Variants in FRMD4A observed in about 807,000 individuals in gnomAD.
The protein encoded by FRMD4A is FERM domain containing 4A.
FRMD4A carries 29 observed loss-of-function variants against 129.1 expected under a neutral mutation model. The ratio of observed to expected loss-of-function variants is 0.22; its 90% confidence interval spans 0.17 to 0.31. The LOEUF (loss-of-function observed/expected upper bound fraction) is 0.31, where lower values mean the gene tolerates loss of function less well. FRMD4A is among the 10% of genes least tolerant of loss of function. The pLI is 1.00. For synonymous variants in FRMD4A, 634 were observed against 571.6 expected, an observed-to-expected ratio of 1.11 and a Z score of -1.56; for missense variants, 1,272 against 1,375.8, an observed-to-expected ratio of 0.92 and a Z score of 1.19.
At chr10:13,732,401 G>A (rs2090375686) in intron 12 of FRMD4A, among the ~76,000 whole-genome samples, 1 of 152,236 alleles carries the variant, frequency 6.6e-6, no homozygotes, top group Non-Finnish European at 1.5e-5. Context: ...GCCCCTGTGA[G>A]TGTGCCGACG....
chr10:14,246,679 T>TCCTGGCA (rs1472619810), intron 2 of FRMD4A, among the ~76,000 whole-genome samples: 1 of 152,202 alleles, frequency 6.6e-6, no homozygotes, highest in African/African-American at 2.4e-5. Context: ...TAAGTTACTT[T>TCCTGGCA]GACTAAACAC....
At chr10:14,248,260 CT>C (rs1325827141) in intron 2 of FRMD4A, among the ~76,000 whole-genome samples, 30 of 152,296 alleles carry the variant, frequency 2.0e-4, no homozygotes, top group African/African-American at 7.2e-4. Flanking sequence ...CCCATCAACA[CT>C]TTAAAAAAAT....
At chr10:13,914,875 A>G (rs1194854211) in intron 2 of FRMD4A, among the ~76,000 whole-genome samples, 1 of 152,174 alleles carries the variant, frequency 6.6e-6, no homozygotes, top group East Asian at 1.9e-4. Context: ...AAATTTGCGC[A>G]TGGCAGCGTG....
At chr10:13,980,226 C>T (rs1271955497) in intron 2 of FRMD4A, among the ~76,000 whole-genome samples, 5 of 152,124 alleles carry the variant, frequency 3.3e-5, no homozygotes, top group Non-Finnish European at 7.4e-5. Context: ...TCGAAGAGCC[C>T]GTCTGGGAGA....
At chr10:13,831,065 T>C (rs1055048075) in intron 3 of FRMD4A, among the ~76,000 whole-genome samples, 1 of 152,160 alleles carries the variant, frequency 6.6e-6, no homozygotes, top group African/African-American at 2.4e-5. Context: ...GCTAGGATTA[T>C]AGGTGTGAGC....
chr10:13,925,966 T>C (rs1042617507), intron 2 of FRMD4A, among the ~76,000 whole-genome samples: 1 of 151,708 alleles, frequency 6.6e-6, no homozygotes, highest in Non-Finnish European at 1.5e-5. Flanking sequence ...ATATGATTGA[T>C]TGAATTTGGT....
chr10:13,844,329 A>G (rs184835261), intron 3 of FRMD4A, among the ~76,000 whole-genome samples: 139 of 152,350 alleles, frequency 9.1e-4, no homozygotes, highest in African/African-American at 3.2e-3. Flanking sequence ...ACACTTCTCT[A>G]ACTCTGTTAC....
intron 3 of FRMD4A, among the ~76,000 whole-genome samples, chr10:13,849,095 G>C (rs1435431833): frequency 6.6e-6 from 1 of 152,214 alleles, no homozygotes; most frequent in Non-Finnish European, 1.5e-5. Flanking sequence ...CCTAATAAAT[G>C]ATGATGGGAT....
chr10:13,720,203 C>A (rs1468891883), intron 12 of FRMD4A, among the ~76,000 whole-genome samples: 1 of 152,186 alleles, frequency 6.6e-6, no homozygotes, highest in Non-Finnish European at 1.5e-5. Flanking sequence ...TGCGCGCCAG[C>A]ACGCCCAGCT....
chr10:14,088,043 C>T (rs747195832), intron 2 of FRMD4A, among the ~76,000 whole-genome samples: 1 of 152,132 alleles, frequency 6.6e-6, no homozygotes. Flanking sequence ...CAGAAACTAA[C>T]AGAGCCTACT....
At chr10:13,942,246 C>G (rs538881127) in intron 2 of FRMD4A, among the ~76,000 whole-genome samples, 1 of 152,234 alleles carries the variant, frequency 6.6e-6, no homozygotes, top group African/African-American at 2.4e-5. Flanking sequence ...CTAATGAGCG[C>G]TCCCTTTCAT....
chr10:14,295,723 G>A (rs1564447285), intron 2 of FRMD4A, among the ~76,000 whole-genome samples: 1 of 152,164 alleles, frequency 6.6e-6, no homozygotes, highest in African/African-American at 2.4e-5. Flanking sequence ...GTTTGGGAGA[G>A]GGGGAGTTGG....
chr10:13,829,175 G>A (rs12765162), intron 3 of FRMD4A, among the ~76,000 whole-genome samples: 1 of 151,972 alleles, frequency 6.6e-6, no homozygotes, highest in Non-Finnish European at 1.5e-5. Context: ...GGAGTGAATG[G>A]TGAGGTGGAA....
intron 2 of FRMD4A, among the ~76,000 whole-genome samples, chr10:14,016,953 A>G (rs1249287148): frequency 1.3e-5 from 2 of 152,252 alleles, no homozygotes; most frequent in Admixed American, 6.5e-5. Flanking sequence ...CTCGTCATCC[A>G]CAGACAGAGA....
intron 2 of FRMD4A, among the ~76,000 whole-genome samples, chr10:14,164,013 T>C (rs1208560722): frequency 6.6e-6 from 1 of 152,154 alleles, no homozygotes; most frequent in Admixed American, 6.5e-5. Context: ...CAATGGCCCG[T>C]GTATTTTCTC....
chr10:14,279,391 G>A (rs141989444), intron 2 of FRMD4A, among the ~76,000 whole-genome samples: 3,209 of 151,950 alleles, frequency 0.021, 49 homozygotes, highest in Non-Finnish European at 0.034. Context: ...TAGAGATGGG[G>A]TTTCACCAGG....
intron 2 of FRMD4A, among the ~76,000 whole-genome samples, chr10:14,147,620 T>G (rs987003637): frequency 6.6e-6 from 1 of 152,142 alleles, no homozygotes; most frequent in African/African-American, 2.4e-5. Context: ...ATAAGGAACG[T>G]GCGACCTAGA....
rs113308259 is a variant in FRMD4A, at chr10:13,891,225, C to A, written c.46-32313G>T. On this transcript the variant is annotated intron_variant, in intron 2 of 24. Coordinates refer to ENST00000357447, the MANE Select transcript of FRMD4A (RefSeq NM_018027.5). The stretch of plus-strand genomic sequence containing the variant: ...CCGGGCACCGGCGATCGGCTGCTGG[C>A]CCCCGCCACCCTTGTCTGAAACGCC... 8.4e-3 allele frequency among the ~76,000 whole-genome samples: 1,274 copies of A among 152,180 alleles called. 24 individuals are homozygous for A. Among genetic ancestry groups the A allele is most frequent in the African/African-American group, 0.028 (1,177 of 41,522 alleles).
intron 6 of FRMD4A, among the ~76,000 whole-genome samples, chr10:13,780,370 G>C (rs1016281135): frequency 1.3e-5 from 2 of 151,908 alleles, no homozygotes; most frequent in African/African-American, 4.8e-5. Context: ...CCTAACCTCA[G>C]TGATATTCCG....
Sources: gnomAD v4.1 joint callset for allele counts (sites outside exome capture counted in the v4.1 genomes callset) on GRCh38, gnomAD v4.1.1 for gene constraint, MANE v1.5 for transcripts, NCBI Gene and HGNC (gene_info 2026-07-23, HGNC 2026-07-21) for gene names.